RHOJ: variants seen among roughly 807,000 people sequenced by gnomAD.
RHOJ encodes rho-related GTP-binding protein RhoJ.
In RHOJ, 11 loss-of-function variants were observed where a neutral mutation model predicts 23.4. The ratio of observed to expected loss-of-function variants is 0.47; its 90% CI spans 0.30 to 0.78. The LOEUF (loss-of-function observed/expected upper bound fraction) is 0.78. Ranked by LOEUF, RHOJ falls within the 30% of genes least tolerant of loss-of-function variation. The pLI is 0.08. For synonymous variants in RHOJ, 102 were observed against 102.7 expected (o/e 0.99, Z 0.04); for missense variants, 254 against 273.4 (o/e 0.93, Z 0.50).
chr14:63,223,440 A>C (rs1309832993), intron 1 of RHOJ, among the ~76,000 whole-genome samples: 1 of 152,208 alleles, frequency 6.6e-6, no homozygotes, highest in Admixed American at 6.5e-5. Flanking sequence ...CTACAAGTTG[A>C]GTATTGCCCA....
intron 4 of RHOJ, among the ~76,000 whole-genome samples, chr14:63,285,077 T>C (rs1030660684): frequency 5.3e-5 from 8 of 152,242 alleles, no homozygotes; most frequent in Non-Finnish European, 1.2e-4. Flanking sequence ...GTTTCTCTAC[T>C]CTCTGACTTT....
intron 1 of RHOJ, among the ~76,000 whole-genome samples, chr14:63,242,307 A>G (rs746106365): frequency 1.3e-5 from 2 of 152,198 alleles, no homozygotes; most frequent in Non-Finnish European, 2.9e-5. Context: ...TATAGTTCAA[A>G]TGTAATCCCA....
intron 1 of RHOJ, among the ~76,000 whole-genome samples, chr14:63,248,230 A>G (rs1895010234): frequency 6.6e-6 from 1 of 152,214 alleles, no homozygotes; most frequent in South Asian, 2.1e-4. Flanking sequence ...GTAATTCTAT[A>G]AATTCAAATG....
intron 4 of RHOJ, among the ~76,000 whole-genome samples, chr14:63,285,752 T>C (rs1882062999): frequency 1.3e-5 from 2 of 152,214 alleles, no homozygotes; most frequent in Non-Finnish European, 2.9e-5. Flanking sequence ...CTAGAATTAT[T>C]AAACAACAAT....
chr14:63,244,190 A>C (rs140989930), intron 1 of RHOJ, among the ~76,000 whole-genome samples: 1 of 152,218 alleles, frequency 6.6e-6, no homozygotes, highest in East Asian at 1.9e-4. Flanking sequence ...GGCAGTTGGC[A>C]TATTGCAAGA....
chr14:63,286,706 C>T (rs1465922326), intron 4 of RHOJ, among the ~76,000 whole-genome samples: 2 of 152,196 alleles, frequency 1.3e-5, no homozygotes, highest in Admixed American at 1.3e-4. Flanking sequence ...GTTAAACAGT[C>T]TCTTAGATTA....
chr14:63,268,842 GT>G (rs894119720), intron 1 of RHOJ, among the ~76,000 whole-genome samples: 2 of 152,220 alleles, frequency 1.3e-5, no homozygotes, highest in Non-Finnish European at 2.9e-5. Flanking sequence ...GGATCAGTGG[GT>G]AGCCCACAGA....
intron 1 of RHOJ, among the ~76,000 whole-genome samples, chr14:63,235,229 T>A (rs1177215098): frequency 6.6e-6 from 1 of 151,462 alleles, no homozygotes; most frequent in Non-Finnish European, 1.5e-5. Flanking sequence ...AGAGGCACTA[T>A]CGCAGGAAGG....
At chr14:63,274,195 A>G (rs552279704) in intron 2 of RHOJ, among the ~76,000 whole-genome samples, 87 of 152,282 alleles carry the variant, frequency 5.7e-4, no homozygotes, top group African/African-American at 2.0e-3. Flanking sequence ...GGCTGATCCA[A>G]TGGGGCCATC....
chr14:63,276,497 T>C (rs1375672569), intron 2 of RHOJ, among the ~76,000 whole-genome samples: 1 of 152,204 alleles, frequency 6.6e-6, no homozygotes, highest in African/African-American at 2.4e-5. Flanking sequence ...CCCAACTGAA[T>C]TGCCAATTCT....
At chr14:63,271,829 C>G (rs1895476511) in intron 2 of RHOJ, among the ~76,000 whole-genome samples, 1 of 152,202 alleles carries the variant, frequency 6.6e-6, no homozygotes, top group Admixed American at 6.5e-5. Context: ...AACTCCCAAC[C>G]TCAGGTGATC....
At chr14:63,254,576 C>T (rs1017086979) in intron 1 of RHOJ, among the ~76,000 whole-genome samples, 2 of 152,108 alleles carry the variant, frequency 1.3e-5, no homozygotes, top group Admixed American at 6.5e-5. Flanking sequence ...AGCTATTAAG[C>T]ATTTGTAGTA....
intron 1 of RHOJ, among the ~76,000 whole-genome samples, chr14:63,239,239 G>A (rs1894843043): frequency 6.6e-6 from 1 of 152,096 alleles, no homozygotes; most frequent in African/African-American, 2.4e-5. Flanking sequence ...AGCCTCCTGA[G>A]TAGCTGGAAC....
Position 63,253,755 on chromosome 14 carries a change from A to G in RHOJ, c.179-15355A>G, listed in dbSNP as rs57731321. 0.012 allele frequency among the ~76,000 whole-genome samples: 1,831 copies of G among 152,372 alleles called. 79 individuals are homozygous for G. The East Asian group carries it at 0.16, about 14-fold the overall frequency. On this transcript the variant is annotated intron_variant, in intron 1 of 4. Coordinates refer to ENST00000316754, the MANE Select transcript of RHOJ (RefSeq NM_020663.5). Reference sequence around the variant, plus strand: ...AAAGAGCAGAAGATCTGATCCTTGCAGCACAGTCTAAAAGAGAACATTTTT... The same window carrying G: ...AAAGAGCAGAAGATCTGATCCTTGCGGCACAGTCTAAAAGAGAACATTTTT...
chr14:63,269,504 T>C (rs1895427946), intron 2 of RHOJ, among the ~76,000 whole-genome samples: 1 of 152,184 alleles, frequency 6.6e-6, no homozygotes, highest in Non-Finnish European at 1.5e-5. Flanking sequence ...GTCAGTTTCA[T>C]AAATTTTAGT....
intron 1 of RHOJ, among the ~76,000 whole-genome samples, chr14:63,254,128 G>A (rs904759209): frequency 2.0e-5 from 3 of 152,170 alleles, no homozygotes; most frequent in African/African-American, 2.4e-5. Flanking sequence ...ACACAGGACC[G>A]GATCAGCATT....
chr14:63,233,166 G>A (rs893175624), intron 1 of RHOJ, among the ~76,000 whole-genome samples: 1 of 152,124 alleles, frequency 6.6e-6, no homozygotes, highest in Non-Finnish European at 1.5e-5. Flanking sequence ...AAAAGAGAGG[G>A]CTTTGTATTC....
chr14:63,270,222 T>A (rs1159235194), intron 2 of RHOJ, among the ~76,000 whole-genome samples: 1 of 150,960 alleles, frequency 6.6e-6, no homozygotes, highest in Non-Finnish European at 1.5e-5. Context: ...TTGCTCAACT[T>A]GAAAGTTCTT....
At chr14:63,285,849 C>T (rs1371226914) in intron 4 of RHOJ, among the ~76,000 whole-genome samples, 4 of 152,164 alleles carry the variant, frequency 2.6e-5, no homozygotes, top group African/African-American at 9.7e-5. Flanking sequence ...CATTCTCTTT[C>T]CCAGTTCTAT....
Sources: allele counts gnomAD v4.1 joint callset (sites outside exome capture counted in the v4.1 genomes callset), GRCh38; gene constraint gnomAD v4.1.1; transcripts MANE v1.5; gene names NCBI Gene and HGNC (gene_info 2026-07-23, HGNC 2026-07-21).